Variants in ASAP2 observed in about 807,000 individuals in gnomAD.
ASAP2 encodes arf-GAP with SH3 domain, ANK repeat and PH domain-containing protein 2.
ASAP2 carries 45 observed loss-of-function variants against 131.4 expected under a neutral mutation model. The observed-to-expected ratio is 0.34, with a 90% confidence interval of 0.27 to 0.44. ASAP2 has a LOEUF of 0.44. Ranked by LOEUF, ASAP2 falls within the 20% of genes least tolerant of loss-of-function variation. The pLI, the probability that ASAP2 is intolerant of heterozygous loss-of-function variation, is 1.00. For missense variants in ASAP2, 1,011 were observed against 1,297.0 expected (o/e 0.78, Z 3.39); for synonymous variants, 510 against 503.0 (o/e 1.01, Z -0.19).
intron 7 of ASAP2, among the ~76,000 whole-genome samples, chr2:9,332,105 T>C (rs1296678284): frequency 1.3e-5 from 2 of 152,022 alleles, no homozygotes; most frequent in Non-Finnish European, 2.9e-5. Context: ...TTTTAAAGGA[T>C]AGAAATACAC....
chr2:9,372,254 C>T (rs1195286524), intron 16 of ASAP2, among the ~76,000 whole-genome samples: 2 of 152,090 alleles, frequency 1.3e-5, no homozygotes, highest in East Asian at 3.9e-4. Context: ...CCATGACACT[C>T]GCCAGGCCAG....
At chr2:9,264,448 T>A (rs541246201) in intron 1 of ASAP2, among the ~76,000 whole-genome samples, 2 of 152,160 alleles carry the variant, frequency 1.3e-5, no homozygotes, top group South Asian at 4.2e-4. Context: ...TCATTATGAG[T>A]CCCCAGCTCT....
intron 3 of ASAP2, among the ~76,000 whole-genome samples, chr2:9,316,302 C>CA (rs1044244577): frequency 5.1e-4 from 75 of 146,998 alleles, no homozygotes; most frequent in Admixed American, 8.1e-4. Context: ...GACCCTGTTT[C>CA]AAAAAAAAAG....
intron 3 of ASAP2, among the ~76,000 whole-genome samples, chr2:9,307,343 C>G (rs1203283883): frequency 2.0e-5 from 3 of 152,124 alleles, no homozygotes; most frequent in Non-Finnish European, 4.4e-5. Context: ...GACTCTCACC[C>G]TTGGCGAGAT....
At chr2:9,219,129 A>G (rs1308883995) in intron 1 of ASAP2, among the ~76,000 whole-genome samples, 4 of 152,152 alleles carry the variant, frequency 2.6e-5, no homozygotes, top group Non-Finnish European at 5.9e-5. Flanking sequence ...TGTGTTAGTG[A>G]TGATCATGGG....
At chr2:9,402,888 CT>C (rs1423314082) in intron 27 of ASAP2, among the ~76,000 whole-genome samples, 2 of 152,206 alleles carry the variant, frequency 1.3e-5, no homozygotes, top group Non-Finnish European at 2.9e-5. Context: ...GACGTTGCAG[CT>C]CACAAACTTG....
intron 1 of ASAP2, among the ~76,000 whole-genome samples, chr2:9,243,604 A>T (rs1221581480): frequency 6.6e-6 from 1 of 152,236 alleles, no homozygotes; most frequent in Non-Finnish European, 1.5e-5. Context: ...GAAACCAAAG[A>T]TATAACTGTA....
At position 9,311,480 on chromosome 2, in the gene ASAP2, TTTG is replaced by T. The variant is rs1669295182; in HGVS notation, c.346-7041_346-7039del. ...TTAAAAAGCCATTTTACATAATATATTTGTTAAAAGTGAGTCAGAACATAAGAG... is the reference window on the plus strand; with the variant it reads ...TTAAAAAGCCATTTTACATAATATATTTAAAAGTGAGTCAGAACATAAGAG... On this transcript the variant is annotated intron_variant, in intron 3 of 27. Transcript: ENST00000281419. The surrounding 1 kb of genome is among the most constrained non-coding windows in gnomAD (Gnocchi z 5.2). Among the ~76,000 whole-genome samples, 1 of 152,222 alleles carries T rather than the reference TTTG, an allele frequency of 6.6e-6. No individual in the cohort carries two copies. The highest frequency in any genetic ancestry group is 2.1e-4 in the South Asian group (1 of 4,826).
At chr2:9,264,992 CG>C (rs1401362877) in intron 1 of ASAP2, among the ~76,000 whole-genome samples, 3 of 151,936 alleles carry the variant, frequency 2.0e-5, no homozygotes, top group East Asian at 3.9e-4. Context: ...GAAAATTAGC[CG>C]GGTGTGGTGG....
At chr2:9,262,103 C>T (rs1367991185) in intron 1 of ASAP2, among the ~76,000 whole-genome samples, 1 of 152,164 alleles carries the variant, frequency 6.6e-6, no homozygotes, top group Non-Finnish European at 1.5e-5. Context: ...CCTGCCTCAG[C>T]CTCCTCAGTA....
chr2:9,365,428 G>C (rs988985900), intron 15 of ASAP2, among the ~76,000 whole-genome samples: 1 of 152,230 alleles, frequency 6.6e-6, no homozygotes, highest in Admixed American at 6.5e-5. Context: ...AGAGAAGAAT[G>C]TCACAGCAAT....
At chr2:9,304,990 C>G (rs765262954) in intron 3 of ASAP2, among the ~76,000 whole-genome samples, 5 of 103,236 alleles carry the variant, frequency 4.8e-5, no homozygotes, top group Non-Finnish European at 7.7e-5. Context: ...TATTGGTGGA[C>G]AAGCTGGAGT....
intron 1 of ASAP2, among the ~76,000 whole-genome samples, chr2:9,270,284 G>A (rs1342891359): frequency 6.6e-6 from 1 of 152,184 alleles, no homozygotes; most frequent in African/African-American, 2.4e-5. Context: ...CCCGCTCTGA[G>A]CTGGAGTGGA....
chr2:9,234,569 A>T (rs986432496), intron 1 of ASAP2, among the ~76,000 whole-genome samples: 2 of 152,184 alleles, frequency 1.3e-5, no homozygotes, highest in African/African-American at 4.8e-5. Context: ...GACAGATGGG[A>T]CATCTGGGAC....
At chr2:9,347,757 C>G (rs550750204) in intron 11 of ASAP2, among the ~76,000 whole-genome samples, 1 of 152,180 alleles carries the variant, frequency 6.6e-6, no homozygotes, top group Non-Finnish European at 1.5e-5. Context: ...TTGCCAGATT[C>G]GCAGGATTGC....
chr2:9,256,368 G>A (rs1468479026), intron 1 of ASAP2, among the ~76,000 whole-genome samples: 1 of 151,796 alleles, frequency 6.6e-6, no homozygotes, highest in Non-Finnish European at 1.5e-5. Context: ...GTCAGGCAAA[G>A]CGGCAGTGTC....
At chr2:9,367,001 T>C (rs1376338666) in intron 15 of ASAP2, among the ~76,000 whole-genome samples, 1 of 151,710 alleles carries the variant, frequency 6.6e-6, no homozygotes, top group African/African-American at 2.4e-5. Context: ...TCCCAAAGCA[T>C]GTTTGTTAAC....
At chr2:9,244,250 C>G (rs1036817525) in intron 1 of ASAP2, among the ~76,000 whole-genome samples, 1 of 152,092 alleles carries the variant, frequency 6.6e-6, no homozygotes, top group African/African-American at 2.4e-5. Flanking sequence ...GAGCCAAGAT[C>G]GCGCCACTGC....
At chr2:9,313,282 T>C (rs1669431981) in intron 3 of ASAP2, among the ~76,000 whole-genome samples, 1 of 152,168 alleles carries the variant, frequency 6.6e-6, no homozygotes, top group South Asian at 2.1e-4. Flanking sequence ...CTCACCCTAA[T>C]CTATTATTAA....
Sources: allele counts gnomAD v4.1 joint callset (sites outside exome capture counted in the v4.1 genomes callset), GRCh38; gene constraint gnomAD v4.1.1; non-coding constraint Gnocchi (gnomAD v3.1); transcripts MANE v1.5; gene names NCBI Gene and HGNC (gene_info 2026-07-23, HGNC 2026-07-21).